Variants in EMSY observed in about 807,000 individuals in gnomAD.
EMSY encodes BRCA2-interacting transcriptional repressor EMSY.
In EMSY, 26 loss-of-function variants were observed where a neutral mutation model predicts 134.6. The ratio of observed to expected loss-of-function variants is 0.19; its 90% CI spans 0.14 to 0.27. The LOEUF is 0.27. Ranked by LOEUF, EMSY falls within the 10% of genes least tolerant of loss-of-function variation. The pLI is 1.00. For synonymous variants in EMSY, 579 were observed against 577.8 expected (o/e 1.00, Z -0.03); for missense variants, 1,305 against 1,611.4 (o/e 0.81, Z 3.26).
intron 9 of EMSY, among the ~76,000 whole-genome samples, chr11:76,507,154 A>T (rs1590927479): frequency 6.6e-6 from 1 of 152,242 alleles, no homozygotes; most frequent in South Asian, 2.1e-4. Context: ...ACCTTAATTT[A>T]AAATACTTCA....
chr11:76,499,782 G>A (rs2135877817), intron 9 of EMSY, among the ~76,000 whole-genome samples: 1 of 151,804 alleles, frequency 6.6e-6, no homozygotes, highest in South Asian at 2.1e-4. Flanking sequence ...ATATTGTTTT[G>A]TTCTGTTTTC....
chr11:76,523,704 CTTTT>C lies in EMSY; in HGVS notation c.1821+431_1821+434del, dbSNP rs746491659. 5.3e-4 allele frequency among the ~76,000 whole-genome samples: 43 copies of C among 80,536 alleles called. 1 individual carries two copies. The highest frequency in any genetic ancestry group is 1.5e-3 in the African/African-American group (30 of 19,406). 52.8% of individuals were successfully genotyped at this position (80,536 alleles called of 152,430 possible). A position where few individuals can be genotyped will look rare whatever the true frequency, so the allele number is the denominator to read the frequency against. Reference sequence around the variant, plus strand: ...TTAATTGATGGGGATTTGTTACTTTCTTTTTTTTTTTTTTTTTTTTTCATTTTTA... The same window carrying C: ...TTAATTGATGGGGATTTGTTACTTTCTTTTTTTTTTTTTTTTTCATTTTTA... On this transcript the variant is annotated intron_variant, in intron 12 of 20. Transcript: ENST00000334736.
exon 12 of EMSY, chr11:76,523,184 A>G (rs1425026586): frequency 1.1e-5 from 17 of 1,613,392 alleles, no homozygotes; most frequent in East Asian, 2.2e-5. Context: ...TACAATCCCA[A>G]TGACTTCCAA....
intron 1 of EMSY, among the ~76,000 whole-genome samples, chr11:76,446,064 A>G (rs1410173981): frequency 6.6e-6 from 1 of 152,024 alleles, no homozygotes; most frequent in African/African-American, 2.4e-5. Context: ...TCATTCATTC[A>G]TTCATCCATT....
intron 8 of EMSY, among the ~76,000 whole-genome samples, chr11:76,483,606 G>T (rs1949066108): frequency 6.6e-6 from 1 of 152,186 alleles, no homozygotes; most frequent in Non-Finnish European, 1.5e-5. Flanking sequence ...TGCAATCCTA[G>T]TATCTGATAA....
chr11:76,490,855 GGTGTGT>G (rs61555535), intron 8 of EMSY, among the ~76,000 whole-genome samples: 1 of 148,596 alleles, frequency 6.7e-6, no homozygotes, highest in African/African-American at 2.5e-5. Flanking sequence ...ATTGCTAGGG[GGTGTGT>G]GTGTGTGTGT....
At chr11:76,514,829 A>G (rs1173681575) in intron 10 of EMSY, among the ~76,000 whole-genome samples, 1 of 152,074 alleles carries the variant, frequency 6.6e-6, no homozygotes, top group Non-Finnish European at 1.5e-5. Context: ...AAACACTATT[A>G]TTCTTTAGTA....
chr11:76,531,157 G>A (rs1316052362), intron 14 of EMSY, among the ~76,000 whole-genome samples: 7 of 152,000 alleles, frequency 4.6e-5, no homozygotes, highest in South Asian at 4.1e-4. Flanking sequence ...ACATTTGTAG[G>A]CCTATATTTC....
At chr11:76,488,673 A>G (rs1366616284) in intron 8 of EMSY, among the ~76,000 whole-genome samples, 6 of 152,200 alleles carry the variant, frequency 3.9e-5, no homozygotes, top group Admixed American at 6.5e-5. Flanking sequence ...GTTTTTCACA[A>G]TAAAATTTAT....
At chr11:76,552,344 T>C (rs1417997722), downstream of EMSY, 1 of 152,142 alleles carries the variant, frequency 6.6e-6, no homozygotes, top group Non-Finnish European at 1.5e-5. Flanking sequence ...AATACTTAGG[T>C]TTTTTTATAA....
intron 6 of EMSY, chr11:76,461,100 G>A (rs2135099270): frequency 6.6e-6 from 1 of 152,336 alleles, no homozygotes; most frequent in Non-Finnish European, 1.5e-5. Flanking sequence ...AAGGCAGAAA[G>A]TGGAAAGAGA....
At chr11:76,503,148 AAAATT>A (rs1220080332) in intron 9 of EMSY, among the ~76,000 whole-genome samples, 3 of 151,898 alleles carry the variant, frequency 2.0e-5, no homozygotes, top group African/African-American at 7.3e-5. Flanking sequence ...TAAAAATACA[AAAATT>A]AACTGGCCAT....
At chr11:76,447,763 T>G in intron 2 of EMSY, among the ~76,000 whole-genome samples, 1 of 152,200 alleles carries the variant, frequency 6.6e-6, no homozygotes, top group Non-Finnish European at 1.5e-5. Context: ...ACTCAAATCA[T>G]TTTGTGTTCT....
At chr11:76,520,244 C>T (rs1399513650) in intron 11 of EMSY, among the ~76,000 whole-genome samples, 1 of 151,736 alleles carries the variant, frequency 6.6e-6, no homozygotes, top group Non-Finnish European at 1.5e-5. Flanking sequence ...GACATTTGCC[C>T]CCCCACCACA....
intron 12 of EMSY, among the ~76,000 whole-genome samples, chr11:76,524,344 C>T (rs1477614263): frequency 6.6e-6 from 1 of 152,110 alleles, no homozygotes; most frequent in Admixed American, 6.6e-5. Context: ...TTGGTACTTA[C>T]CTGTTTAGGC....
intron 7 of EMSY, among the ~76,000 whole-genome samples, chr11:76,466,884 A>T (rs1033103509): frequency 6.6e-6 from 1 of 152,230 alleles, no homozygotes; most frequent in African/African-American, 2.4e-5. Flanking sequence ...ATCTTAGGAC[A>T]TTATTGCAAG....
intron 9 of EMSY, among the ~76,000 whole-genome samples, chr11:76,510,562 G>T (rs1466526901): frequency 6.6e-6 from 1 of 152,126 alleles, no homozygotes; most frequent in Non-Finnish European, 1.5e-5. Context: ...AGTTTGCCTC[G>T]CTTGGTGGTG....
chr11:76,519,401 G>A (rs551242382), intron 11 of EMSY, among the ~76,000 whole-genome samples: 1 of 152,224 alleles, frequency 6.6e-6, no homozygotes, highest in Admixed American at 6.5e-5. Flanking sequence ...TTATTTACAT[G>A]TGTATACATT....
intron 11 of EMSY, among the ~76,000 whole-genome samples, chr11:76,518,744 C>T (rs934199557): frequency 7.8e-6 from 1 of 128,510 alleles, no homozygotes; most frequent in Non-Finnish European, 1.6e-5. Context: ...AGATTTTATC[C>T]GTATTTCCTA....
Sources: gnomAD v4.1 joint callset for allele counts (sites outside exome capture counted in the v4.1 genomes callset) on GRCh38, gnomAD v4.1.1 for gene constraint, MANE v1.5 for transcripts, NCBI Gene and HGNC (gene_info 2026-07-23, HGNC 2026-07-21) for gene names.